The following SAE1 variants were observed in gnomAD, a reference collection of about 807,000 sequenced individuals.
The protein encoded by SAE1 is SUMO-activating enzyme subunit 1.
SAE1 carries 11 observed loss-of-function variants against 40.6 expected under a neutral mutation model. That is an observed-to-expected ratio of 0.27 (90% confidence interval 0.17 to 0.45). The LOEUF (loss-of-function observed/expected upper bound fraction) is 0.45. SAE1 is among the 20% of genes least tolerant of loss of function. The pLI, the probability that SAE1 is intolerant of heterozygous loss-of-function variation, is 1.00. For missense variants in SAE1, 373 were observed against 427.3 expected (o/e 0.87, Z 1.12); for synonymous variants, 155 against 154.3 (o/e 1.00, Z -0.03).
At chr19:47,196,957 C>T (rs1042982218) in intron 6 of SAE1, among the ~76,000 whole-genome samples, 9 of 151,764 alleles carry the variant, frequency 5.9e-5, no homozygotes, top group African/African-American at 2.2e-4. Context: ...CCGAGGCGGG[C>T]GGATCACGAG....
intron 6 of SAE1, among the ~76,000 whole-genome samples, chr19:47,193,953 A>G (rs2058596977): frequency 6.6e-6 from 1 of 151,820 alleles, no homozygotes; most frequent in Admixed American, 6.6e-5. Context: ...TTTGTCTGAC[A>G]TTGGCACTGA....
intron 8 of SAE1, among the ~76,000 whole-genome samples, chr19:47,204,214 T>TTA (rs1233297663): frequency 6.9e-6 from 1 of 144,554 alleles, no homozygotes. Context: ...TTTTTTTTTT[T>TTA]TGAGATGGAG....
At chr19:47,178,898 G>C (rs1437554863) in intron 6 of SAE1, among the ~76,000 whole-genome samples, 1 of 152,076 alleles carries the variant, frequency 6.6e-6, no homozygotes, top group East Asian at 1.9e-4. Flanking sequence ...TACCCTCAAA[G>C]TAAAGAAAAA....
At chr19:47,148,121 G>A (rs971661660) in intron 2 of SAE1, among the ~76,000 whole-genome samples, 12 of 152,010 alleles carry the variant, frequency 7.9e-5, no homozygotes, top group Non-Finnish European at 1.8e-4. Context: ...TCTTGCTGAG[G>A]TTCACACAGT....
chr19:47,136,222 TCCACCTCCCAGGTTCAAG>T (rs1441103182), intron 1 of SAE1, among the ~76,000 whole-genome samples: 1 of 151,618 alleles, frequency 6.6e-6, no homozygotes, highest in African/African-American at 2.4e-5. Flanking sequence ...CAGTACAATC[TCCACCTCCCAGGTTCAAG>T]CGATTCTCCT....
At chr19:47,180,811 TG>T (rs1251573461) in intron 6 of SAE1, among the ~76,000 whole-genome samples, 1 of 152,054 alleles carries the variant, frequency 6.6e-6, no homozygotes, top group East Asian at 1.9e-4. Flanking sequence ...AGCAAGACTT[TG>T]TCTCCCCCGA....
At position 47,185,139 on chromosome 19, in the gene SAE1, A is replaced by G. The variant is rs181218876; in HGVS notation, c.734-12094A>G. 2.3e-3 allele frequency among the ~76,000 whole-genome samples: 356 copies of G among 152,174 alleles called. 3 individuals carry two copies. Among genetic ancestry groups the G allele is most frequent in the African/African-American group, 8.4e-3 (347 of 41,526 alleles). The stretch of plus-strand genomic sequence containing the variant: ...CATGCCCGGCCATTATATGCTTTTT[A>G]AAAAAACCTAAATGTTGCAAAAAAC... On this transcript the variant is annotated intron_variant, in intron 6 of 8. Coordinates refer to ENST00000270225, the MANE Select transcript of SAE1 (RefSeq NM_005500.3).
chr19:47,132,424 GT>G lies in SAE1; in HGVS notation c.98+1411del, dbSNP rs74749546. On this transcript the variant is annotated intron_variant, in intron 1 of 8. Transcript: ENST00000270225. ...CCACCACATCATCCGACTAATTTTT[GT>G]TTTTTTTTTTTTTTGTAGGATGGGG... is the stretch of plus-strand genomic sequence containing the variant. 5.3e-3 allele frequency among the ~76,000 whole-genome samples: 692 copies of G among 130,926 alleles called. 3 individuals are homozygous for G. The highest frequency in any genetic ancestry group is 0.015 in the African/African-American group (535 of 36,018). The allele number at this position is 130,926 out of a possible 152,430, so 85.9% of individuals were successfully genotyped here.
At chr19:47,187,819 G>A (rs999590584) in intron 6 of SAE1, among the ~76,000 whole-genome samples, 1 of 152,048 alleles carries the variant, frequency 6.6e-6, no homozygotes, top group Admixed American at 6.6e-5. Context: ...ACTGCACCCG[G>A]CCTCTGGATT....
intron 6 of SAE1, among the ~76,000 whole-genome samples, chr19:47,173,116 C>T (rs538272861): frequency 6.6e-5 from 10 of 152,252 alleles, no homozygotes; most frequent in African/African-American, 2.4e-4. Context: ...GCAACTTCTG[C>T]CTCCTGGGTT....
chr19:47,188,942 T>G (rs905194348), intron 6 of SAE1, among the ~76,000 whole-genome samples: 13 of 152,276 alleles, frequency 8.5e-5, no homozygotes, highest in Non-Finnish European at 1.5e-4. Context: ...CCCCTGAGGC[T>G]CTCTCAAAGC....
chr19:47,181,161 AC>A (rs1486510454), intron 6 of SAE1, among the ~76,000 whole-genome samples: 2 of 152,048 alleles, frequency 1.3e-5, no homozygotes, highest in Non-Finnish European at 2.9e-5. Flanking sequence ...TACTAAAAAT[AC>A]AAAATTAGCC....
chr19:47,173,786 C>CT lies in SAE1; in HGVS notation c.733+3879dup, dbSNP rs749843235. ...TTGACTCCTTTCTTTTCTTTCTTTT[C>CT]TTTTTTTTTTTTTTTTGAGACGGAG... On this transcript the variant is annotated intron_variant, in intron 6 of 8. Coordinates refer to ENST00000270225, the MANE Select transcript of SAE1 (RefSeq NM_005500.3). Among the ~76,000 whole-genome samples, 1,059 of 141,004 alleles carry CT rather than the reference C, an allele frequency of 7.5e-3. 4 individuals carry two copies. The highest frequency in any genetic ancestry group is 0.048 in the Middle Eastern group (13 of 272). The allele number at this position is 141,004 out of a possible 152,430, so 92.5% of individuals were successfully genotyped here.
chr19:47,155,974 C>T (rs1180972026), intron 5 of SAE1, among the ~76,000 whole-genome samples: 1 of 146,326 alleles, frequency 6.8e-6, no homozygotes. Flanking sequence ...CTCTTGACCT[C>T]GTGGTCCACC....
chr19:47,193,792 C>CA (rs1304093408), intron 6 of SAE1, among the ~76,000 whole-genome samples: 1 of 147,372 alleles, frequency 6.8e-6, no homozygotes, highest in East Asian at 2.0e-4. Flanking sequence ...CACGCCATTG[C>CA]ACTCCAGCCT....
chr19:47,192,117 G>A (rs1275890872), intron 6 of SAE1, among the ~76,000 whole-genome samples: 1 of 151,800 alleles, frequency 6.6e-6, no homozygotes, highest in Non-Finnish European at 1.5e-5. Context: ...AAAGCCCAAA[G>A]CGTTATAGTG....
At chr19:47,199,327 G>A (rs907316237) in intron 7 of SAE1, among the ~76,000 whole-genome samples, 6 of 147,056 alleles carry the variant, frequency 4.1e-5, no homozygotes, top group East Asian at 2.1e-4. Context: ...AGAGGTTGCA[G>A]TGAGCTGAGA....
chr19:47,154,949 G>GAC (rs2058311896), intron 4 of SAE1, among the ~76,000 whole-genome samples, 165 bp from the exon 5 acceptor site: 1 of 152,136 alleles, frequency 6.6e-6, no homozygotes, highest in African/African-American at 2.4e-5. Flanking sequence ...CAGTGTACCA[G>GAC]ACTCATCATG....
Position 47,193,516 on chromosome 19 carries a change from C to CT in SAE1, c.734-3706dup, listed in dbSNP as rs992666138. 4.9e-3 allele frequency among the ~76,000 whole-genome samples: 715 copies of CT among 144,944 alleles called. 5 individuals carry two copies. Among genetic ancestry groups the CT allele is most frequent in the African/African-American group, 0.015 (596 of 39,780 alleles). ...TTCTGGAGCTTTTTTCTTTTCTTTC[C>CT]TTTTTTTTTTTAAAGAAATTACCAG... On this transcript the variant is annotated intron_variant, in intron 6 of 8. Transcript: ENST00000270225.
Sources: allele counts gnomAD v4.1 joint callset (sites outside exome capture counted in the v4.1 genomes callset), GRCh38; gene constraint gnomAD v4.1.1; transcripts MANE v1.5; gene names NCBI Gene and HGNC (gene_info 2026-07-23, HGNC 2026-07-21).